The following NUBPL variants were observed in gnomAD, a reference collection of about 807,000 sequenced individuals.
NUBPL encodes the protein NUBP iron-sulfur cluster assembly factor, mitochondrial.
A neutral mutation model predicts 45.7 loss-of-function variants in NUBPL; 31 were observed. The observed-to-expected ratio is 0.68, with a 90% confidence interval of 0.51 to 0.92. NUBPL has a LOEUF of 0.92. NUBPL is among the 40% of genes least tolerant of loss of function. The pLI is 0.00. For synonymous variants in NUBPL, 144 were observed against 140.9 expected, an observed-to-expected ratio of 1.02 and a Z score of -0.15; for missense variants, 401 against 398.7, an observed-to-expected ratio of 1.01 and a Z score of -0.05.
At chr14:31,613,921 G>T (rs993427433) in intron 4 of NUBPL, among the ~76,000 whole-genome samples, 4 of 151,414 alleles carry the variant, frequency 2.6e-5, no homozygotes, top group African/African-American at 9.8e-5. Flanking sequence ...AATTAAAAAA[G>T]AAGTCTTCAA....
At chr14:31,805,468 A>G (rs915450647) in intron 7 of NUBPL, among the ~76,000 whole-genome samples, 1 of 152,238 alleles carries the variant, frequency 6.6e-6, no homozygotes, top group South Asian at 2.1e-4. Flanking sequence ...ATGCACGTGT[A>G]CATTTGTTGC....
chr14:31,685,146 G>T (rs994167738), intron 6 of NUBPL, among the ~76,000 whole-genome samples: 8 of 152,148 alleles, frequency 5.3e-5, no homozygotes, highest in Non-Finnish European at 4.4e-5. Flanking sequence ...CTGGGCATGT[G>T]ACCCAGGCAT....
rs547331854 is a variant in NUBPL, at chr14:31,725,409, C to T, written c.513+51835C>T. On this transcript the variant is annotated intron_variant, in intron 6 of 10. Coordinates refer to ENST00000281081, the MANE Select transcript of NUBPL (RefSeq NM_025152.3). The stretch of plus-strand genomic sequence containing the variant: ...TGAGTATCTTTTATCCAAAATGCTG[C>T]GTACCAGAAGTGTTTTGGATATCAG... Among the ~76,000 whole-genome samples the T allele has an allele frequency of 1.2e-3, 190 of 152,168 alleles. 1 individual carries two copies. The highest frequency in any genetic ancestry group is 4.0e-3 in the African/African-American group (165 of 41,514).
intron 8 of NUBPL, among the ~76,000 whole-genome samples, chr14:31,843,236 C>T (rs1447720618): frequency 6.6e-6 from 1 of 152,200 alleles, no homozygotes; most frequent in Non-Finnish European, 1.5e-5. Context: ...CATGGCACTT[C>T]TGCATACGTT....
At chr14:31,626,425 C>T (rs1595388534) in intron 4 of NUBPL, among the ~76,000 whole-genome samples, 1 of 152,208 alleles carries the variant, frequency 6.6e-6, no homozygotes, top group East Asian at 1.9e-4. Flanking sequence ...TAGGCATGAG[C>T]CACCGCACCT....
rs144601299 is a variant in NUBPL, at chr14:31,583,166, C to T, written c.292-16123C>T. ...CTGTTTAAATGCATGTCTTATGAAA[C>T]GCTGCAGGAAATATAACATAGGCAG... On this transcript the variant is annotated intron_variant, in intron 3 of 10. Coordinates refer to ENST00000281081, the MANE Select transcript of NUBPL (RefSeq NM_025152.3). Among the ~76,000 whole-genome samples the T allele has an allele frequency of 3.9e-4, 60 of 152,234 alleles. No individual in the cohort carries two copies. In the East Asian group the frequency reaches 0.011, roughly 28 times the overall value.
chr14:31,643,422 C>T (rs369789972), intron 4 of NUBPL, among the ~76,000 whole-genome samples: 1 of 152,176 alleles, frequency 6.6e-6, no homozygotes, highest in East Asian at 1.9e-4. Flanking sequence ...GATATTTCCT[C>T]TTAGTTCTGT....
In NUBPL at chr14:31,770,155, C is replaced by A. The variant is rs558858889; in HGVS notation, c.514-17625C>A. ...CTGGTGGGTTCATCTTGTCCACTGC[C>A]CAGACAGAGCTGATGTATCTATGCA... On this transcript the variant is annotated intron_variant, in intron 6 of 10. Coordinates refer to ENST00000281081, the MANE Select transcript of NUBPL (RefSeq NM_025152.3). 1.1e-4 allele frequency among the ~76,000 whole-genome samples: 16 copies of A among 152,124 alleles called. No homozygotes were observed. The East Asian group carries it at 2.1e-3, about 20-fold the overall frequency.
intron 10 of NUBPL, among the ~76,000 whole-genome samples, chr14:31,857,086 C>T (rs902857057): frequency 6.6e-6 from 1 of 152,222 alleles, no homozygotes; most frequent in African/African-American, 2.4e-5. Flanking sequence ...GCCTGGGCAT[C>T]CAGGTATTTC....
chr14:31,755,554 T>C (rs2038640851), intron 6 of NUBPL, among the ~76,000 whole-genome samples: 1 of 152,038 alleles, frequency 6.6e-6, no homozygotes, highest in Non-Finnish European at 1.5e-5. Context: ...TGTTTGTTTT[T>C]TTCTTGTAAA....
At chr14:31,615,758 C>T (rs558072161) in intron 4 of NUBPL, among the ~76,000 whole-genome samples, 17 of 152,138 alleles carry the variant, frequency 1.1e-4, no homozygotes, top group African/African-American at 2.7e-4. Context: ...AATAAACATA[C>T]GTGTGCATGT....
chr14:31,586,180 A>G (rs548038716), intron 3 of NUBPL, among the ~76,000 whole-genome samples: 1 of 152,332 alleles, frequency 6.6e-6, no homozygotes, highest in South Asian at 2.1e-4. Flanking sequence ...TCTGTGCTAG[A>G]CACTATGTTT....
At chr14:31,629,018 C>G (rs1266275789) in intron 4 of NUBPL, among the ~76,000 whole-genome samples, 1 of 152,114 alleles carries the variant, frequency 6.6e-6, no homozygotes. Context: ...GTGGAAATGT[C>G]AGCCCAGTGA....
intron 1 of NUBPL, chr14:31,561,821 T>C: frequency 1.7e-6 from 1 of 594,694 alleles, no homozygotes; most frequent in Non-Finnish European, 2.9e-6. Flanking sequence ...AAGCCTTATC[T>C]CCGTAAAGAG....
chr14:31,760,490 A>G (rs545269153), intron 6 of NUBPL, among the ~76,000 whole-genome samples: 3 of 152,074 alleles, frequency 2.0e-5, no homozygotes, highest in South Asian at 2.1e-4. Flanking sequence ...ACACTCCCCC[A>G]TTCTTCCACT....
At chr14:31,720,745 A>T (rs1182968908) in intron 6 of NUBPL, among the ~76,000 whole-genome samples, 1 of 152,236 alleles carries the variant, frequency 6.6e-6, no homozygotes, top group Admixed American at 6.5e-5. Context: ...TCAGTTCATC[A>T]GTCGTAAGTA....
chr14:31,649,920 C>T (rs1029350554), intron 4 of NUBPL, among the ~76,000 whole-genome samples: 1 of 152,050 alleles, frequency 6.6e-6, no homozygotes, highest in African/African-American at 2.4e-5. Context: ...ATTGCAATGG[C>T]GCAATCTCCG....
intron 6 of NUBPL, among the ~76,000 whole-genome samples, chr14:31,749,467 T>TATAG (rs2038474333): frequency 6.6e-6 from 1 of 152,188 alleles, no homozygotes; most frequent in African/African-American, 2.4e-5. Context: ...TTTTGCTGGG[T>TATAG]ATAGTATTCT....
chr14:31,648,145 A>G (rs2035905565), intron 4 of NUBPL, among the ~76,000 whole-genome samples: 1 of 152,244 alleles, frequency 6.6e-6, no homozygotes, highest in Admixed American at 6.5e-5. Context: ...ACAAGATGAA[A>G]AAGAGAAGAA....
Sources: allele counts gnomAD v4.1 joint callset (sites outside exome capture counted in the v4.1 genomes callset), GRCh38; gene constraint gnomAD v4.1.1; transcripts MANE v1.5; gene names NCBI Gene and HGNC (gene_info 2026-07-23, HGNC 2026-07-21).